Variants in ACOT11 observed in about 807,000 individuals in gnomAD.
ACOT11 encodes the protein acyl-coenzyme A thioesterase 11.
In ACOT11, 69 loss-of-function variants were observed where a neutral mutation model predicts 77.5. The observed-to-expected ratio is 0.89, with a 90% CI of 0.73 to 1.09. The LOEUF (loss-of-function observed/expected upper bound fraction) is 1.09, where lower values mean the gene tolerates loss of function less well. Among genes scored for constraint, ACOT11 ranks in the 50% least tolerant of loss-of-function variants. ACOT11 has a pLI of 0.00. For missense variants in ACOT11, 766 were observed against 813.7 expected (o/e 0.94, Z 0.71); for synonymous variants, 279 against 313.0 (o/e 0.89, Z 1.15).
chr1:54,569,373 C>T (rs1653856457), intron 1 of ACOT11, among the ~76,000 whole-genome samples: 1 of 152,192 alleles, frequency 6.6e-6, no homozygotes, highest in Non-Finnish European at 1.5e-5. Flanking sequence ...CTCTTTCTGT[C>T]CTCTAATCCA....
At chr1:54,564,396 G>T (rs769868946) in intron 1 of ACOT11, among the ~76,000 whole-genome samples, 6 of 148,832 alleles carry the variant, frequency 4.0e-5, no homozygotes, top group South Asian at 2.1e-4. Flanking sequence ...TTGCCTGCGG[G>T]GGGTGGGGAA....
At chr1:54,610,620 A>G, downstream of ACOT11, 1 of 1,570,050 alleles carries the variant, frequency 6.4e-7, no homozygotes, top group East Asian at 2.2e-5. Context: ...CCTGGTTGCT[A>G]GGGTCCCATA....
Position 54,601,310 on chromosome 1 carries a change from C to T in ACOT11, c.926C>T (p.Ala309Val). ...GVCVEAYRQE[A>V]ETHRRHINSA... ...TGCGTGGAGGCCTATCGCCAGGAGG[C>T]TGAGACCCACCGGCGCCACATCAAC... is the stretch of plus-strand genomic sequence containing the variant. The change falls in exon 9 of 16, where the codon GCT becomes GTT. Residue 309 changes from alanine (A) to valine (V), a missense_variant. Coordinates refer to ENST00000343744, the MANE Select transcript of ACOT11 (RefSeq NM_147161.4). 1 of 1,613,334 alleles carries T rather than the reference C, an allele frequency of 6.2e-7. No individual in the cohort carries two copies. The highest frequency in any genetic ancestry group is 8.5e-7 in the Non-Finnish European group (1 of 1,180,006).
downstream of ACOT11, chr1:54,610,604 A>G (rs778034598): frequency 1.6e-5 from 25 of 1,587,122 alleles, no homozygotes; most frequent in African/African-American, 2.7e-5. Flanking sequence ...TTCACAGAAC[A>G]CCTTACCTGG....
chr1:54,615,076 G>A (rs1644158598), downstream of ACOT11, among the ~76,000 whole-genome samples: 1 of 151,202 alleles, frequency 6.6e-6, no homozygotes, highest in African/African-American at 2.4e-5. Context: ...TGCCTCTAGA[G>A]GAGTTCCCAT....
In ACOT11 at chr1:54,620,005, A is replaced by G. The variant is rs760794886; in HGVS notation, c.1630-10729A>G. The G allele has an allele frequency of 2.5e-6, 4 of 1,610,366 alleles. No homozygotes were observed. In the East Asian group the frequency reaches 8.9e-5, roughly 36 times the overall value. On this transcript the variant is annotated intron_variant, in intron 15 of 16. Transcript: ENST00000371316. ...TCAGGGCTGCAGGCCTCCAGCTCAC[A>G]GCCTGGAAGGAATCCCAAGGGGCTG...
At chr1:54,571,197 C>T (rs1284547755) in intron 1 of ACOT11, among the ~76,000 whole-genome samples, 2 of 151,970 alleles carry the variant, frequency 1.3e-5, no homozygotes, top group South Asian at 2.1e-4. Flanking sequence ...AAAATGGCTT[C>T]GGGTTATCTA....
downstream of ACOT11, chr1:54,611,040 C>T (rs1230133902): frequency 1.0e-6 from 1 of 981,360 alleles, no homozygotes; most frequent in Non-Finnish European, 1.2e-6. Flanking sequence ...TGCTGGTTTC[C>T]TACCTGCTGG....
At chr1:54,554,833 A>T (rs1033607780) in intron 1 of ACOT11, among the ~76,000 whole-genome samples, 5 of 152,060 alleles carry the variant, frequency 3.3e-5, no homozygotes, top group African/African-American at 7.2e-5. Context: ...TTCTATTTTT[A>T]ATTTTTTGAG....
intron 7 of ACOT11, chr1:54,597,710 TC>T: frequency 2.4e-6 from 1 of 418,040 alleles, no homozygotes; most frequent in Non-Finnish European, 4.3e-6. Flanking sequence ...CATCAAGCCT[TC>T]TAGTATCTAT....
intron 1 of ACOT11, among the ~76,000 whole-genome samples, chr1:54,559,451 C>T (rs1444144175): frequency 6.6e-6 from 1 of 152,254 alleles, no homozygotes; most frequent in Non-Finnish European, 1.5e-5. Context: ...CTTAGAGGCA[C>T]TCACTCACCT....
intron 11 of ACOT11, 82 bp downstream of exon 11, chr1:54,604,019 G>A (rs1643995989): frequency 5.4e-6 from 7 of 1,305,440 alleles, no homozygotes; most frequent in Non-Finnish European, 6.6e-6. Context: ...GGGTTTGGAG[G>A]AAGGCCGGGG....
At chr1:54,552,484 T>G (rs1475909174) in intron 1 of ACOT11, among the ~76,000 whole-genome samples, 4 of 152,068 alleles carry the variant, frequency 2.6e-5, no homozygotes, top group African/African-American at 7.2e-5. Flanking sequence ...TTAGTGTTTT[T>G]TTTGTTTGTT....
intron 1 of ACOT11, among the ~76,000 whole-genome samples, chr1:54,556,802 C>T (rs1045093497): frequency 3.3e-5 from 5 of 151,916 alleles, no homozygotes; most frequent in African/African-American, 7.3e-5. Context: ...AGGCTCGTCT[C>T]GAACTCCTGA....
chr1:54,631,769 G>A (rs6692399), intron 16 of ACOT11, among the ~76,000 whole-genome samples: 7,689 of 152,186 alleles, frequency 0.051, 608 homozygotes, highest in African/African-American at 0.17. Context: ...TTTATAGCTC[G>A]GTTACAGGAG....
At chr1:54,633,077 A>G (rs4927145) in intron 16 of ACOT11, among the ~76,000 whole-genome samples, 47,209 of 152,122 alleles carry the variant, frequency 0.31, 7,871 homozygotes, top group East Asian at 0.41. Context: ...TGAAAGAACC[A>G]CTTCAAGCGG....
chr1:54,630,538 G>A (rs934039609), intron 15 of ACOT11, among the ~76,000 whole-genome samples: 6 of 152,132 alleles, frequency 3.9e-5, no homozygotes, highest in African/African-American at 9.7e-5. Flanking sequence ...CAATTAATTC[G>A]GCACATCCCT....
In ACOT11 at chr1:54,605,113, C is replaced by T; in HGVS notation, c.1274C>T (p.Ser425Phe). 2 of 1,613,972 alleles carry T rather than the reference C, an allele frequency of 1.2e-6. No homozygotes were observed. The highest frequency in any genetic ancestry group is 1.7e-6 in the Non-Finnish European group (2 of 1,180,026). The stretch of plus-strand genomic sequence containing the variant: ...ACTCTGGAGGATGACAAGTTCCTCT[C>T]CTTCCACATGGAGATGGTGGTGCAT... ...LYTLEDDKFL[S>F]FHMEMVVHVD... is the part of the protein sequence containing the mutation. The change falls in exon 13 of 16, where the codon TCC (serine) becomes TTC (phenylalanine). Residue 425 changes from serine to phenylalanine, a missense_variant. By Grantham distance (155) the Ser-to-Phe change is radical. Transcript: ENST00000343744.
At chr1:54,596,586 T>A (rs1654907120) in intron 6 of ACOT11, among the ~76,000 whole-genome samples, 1 of 152,230 alleles carries the variant, frequency 6.6e-6, no homozygotes, top group South Asian at 2.1e-4. Context: ...GATTATTATT[T>A]TTTTTGAGAC....
Sources: allele counts gnomAD v4.1 joint callset (sites outside exome capture counted in the v4.1 genomes callset), GRCh38; gene constraint gnomAD v4.1.1; transcripts MANE v1.5; gene names NCBI Gene and HGNC (gene_info 2026-07-23, HGNC 2026-07-21).